Variants in PLCB4 observed in about 807,000 individuals in gnomAD.
The protein encoded by PLCB4 is phospholipase C beta 4.
Under a neutral mutation model 178.8 loss-of-function variants are expected in PLCB4, and 77 were observed. That is an observed-to-expected ratio of 0.43 (90% CI 0.36 to 0.52). The LOEUF is 0.52. PLCB4 is among the 20% of genes least tolerant of loss of function. PLCB4 has a pLI of 0.00. For missense variants in PLCB4, 1,024 were observed against 1,453.4 expected (o/e 0.70, Z 4.80); for synonymous variants, 496 against 490.8 (o/e 1.01, Z -0.14).
At chr20:9,145,943 G>A (rs1422610729) in intron 2 of PLCB4, among the ~76,000 whole-genome samples, 1 of 152,102 alleles carries the variant, frequency 6.6e-6, no homozygotes, top group African/African-American at 2.4e-5. Flanking sequence ...CTGCATGTTT[G>A]GGCTAGAGTG....
intron 3 of PLCB4, among the ~76,000 whole-genome samples, chr20:9,242,802 A>G (rs796223902): frequency 3.9e-5 from 6 of 152,186 alleles, no homozygotes; most frequent in African/African-American, 1.4e-4. Context: ...TCTCAGGCTC[A>G]CCCCAGACCC....
chr20:9,270,670 T>C (rs372277193), intron 3 of PLCB4, among the ~76,000 whole-genome samples: 1 of 152,114 alleles, frequency 6.6e-6, no homozygotes, highest in African/African-American at 2.4e-5. Context: ...GTGTTCTTTA[T>C]TGATGATTAA....
At chr20:9,357,468 G>C (rs2034939182) in intron 7 of PLCB4, among the ~76,000 whole-genome samples, 1 of 152,170 alleles carries the variant, frequency 6.6e-6, no homozygotes. Context: ...TATCCTGTGT[G>C]TAGTCACTCT....
chr20:9,274,786 A>G (rs1172648871), intron 3 of PLCB4, among the ~76,000 whole-genome samples: 1 of 152,072 alleles, frequency 6.6e-6, no homozygotes, highest in Non-Finnish European at 1.5e-5. Flanking sequence ...ATCCCTTATT[A>G]TATGACAGTC....
At chr20:9,308,754 C>A (rs2147876992) in intron 4 of PLCB4, among the ~76,000 whole-genome samples, 1 of 152,280 alleles carries the variant, frequency 6.6e-6, no homozygotes, top group African/African-American at 2.4e-5. Flanking sequence ...GATATTTCTG[C>A]AGGGTGCATC....
At chr20:9,166,834 A>C (rs1252440077) in intron 2 of PLCB4, 1 of 152,176 alleles carries the variant, frequency 6.6e-6, no homozygotes, top group African/African-American at 2.4e-5. Context: ...GAAGGTAAGC[A>C]GATATAGCTG....
chr20:9,344,185 T>C (rs1299332570), intron 7 of PLCB4, among the ~76,000 whole-genome samples: 1 of 152,186 alleles, frequency 6.6e-6, no homozygotes, highest in African/African-American at 2.4e-5. Context: ...CGCATTTTCT[T>C]CCAGCCTCTG....
chr20:9,275,871 G>A (rs1280349464), intron 3 of PLCB4, among the ~76,000 whole-genome samples: 1 of 152,058 alleles, frequency 6.6e-6, no homozygotes, highest in African/African-American at 2.4e-5. Flanking sequence ...ACAAAAGTAA[G>A]GATAGGAAAC....
chr20:9,183,902 A>G (rs2093288062), intron 2 of PLCB4, among the ~76,000 whole-genome samples: 1 of 152,186 alleles, frequency 6.6e-6, no homozygotes, highest in Admixed American at 6.5e-5. Context: ...GGTCTTTATA[A>G]CCAGAGACAA....
intron 2 of PLCB4, among the ~76,000 whole-genome samples, chr20:9,141,809 G>A (rs948439114): frequency 6.6e-6 from 1 of 152,048 alleles, no homozygotes. Context: ...TTATAGAAAG[G>A]CTAGACATTG....
chr20:9,400,628 T>A (rs1356612743), intron 19 of PLCB4, among the ~76,000 whole-genome samples: 1 of 152,222 alleles, frequency 6.6e-6, no homozygotes, highest in African/African-American at 2.4e-5. Flanking sequence ...CATCCTGATG[T>A]CTGTGGGTTT....
chr20:9,117,117 C>G (rs991884289), intron 2 of PLCB4, among the ~76,000 whole-genome samples: 1 of 152,148 alleles, frequency 6.6e-6, no homozygotes, highest in African/African-American at 2.4e-5. Context: ...ATTCTATTAT[C>G]TGTAGTTACT....
intron 7 of PLCB4, among the ~76,000 whole-genome samples, chr20:9,353,931 G>T (rs73066497): frequency 0.05 from 7,574 of 152,246 alleles, 260 homozygotes; most frequent in Non-Finnish European, 0.075. Context: ...ACCTGTGTCT[G>T]GTTTCTGTAC....
chr20:9,313,942 AGGGCTG>A (rs2094867920), intron 4 of PLCB4, among the ~76,000 whole-genome samples: 1 of 152,184 alleles, frequency 6.6e-6, no homozygotes, highest in African/African-American at 2.4e-5. Flanking sequence ...AAGGGGCAGC[AGGGCTG>A]GGGGACTGGC....
intron 1 of PLCB4, among the ~76,000 whole-genome samples, chr20:9,079,416 C>T (rs1393308718): frequency 6.6e-6 from 1 of 152,158 alleles, no homozygotes; most frequent in Non-Finnish European, 1.5e-5. Context: ...AGCTGTATCC[C>T]TTTCTAGAGG....
At chr20:9,327,131 A>G (rs2030733746) in intron 4 of PLCB4, among the ~76,000 whole-genome samples, 1 of 151,862 alleles carries the variant, frequency 6.6e-6, no homozygotes, top group South Asian at 2.1e-4. Context: ...TATTATTACT[A>G]TGTTTTATAT....
At chr20:9,089,310 A>T (rs1600317542) in intron 1 of PLCB4, among the ~76,000 whole-genome samples, 2 of 152,092 alleles carry the variant, frequency 1.3e-5, no homozygotes, top group African/African-American at 2.4e-5. Context: ...ATTATATCTC[A>T]GTAGTGTCTA....
chr20:9,147,510 G>A (rs2092619322), intron 2 of PLCB4, among the ~76,000 whole-genome samples: 1 of 152,076 alleles, frequency 6.6e-6, no homozygotes, highest in African/African-American at 2.4e-5. Flanking sequence ...TCATTCATGT[G>A]TCTGTGCTCA....
chr20:9,159,192 AG>A (rs2092841777), intron 2 of PLCB4, among the ~76,000 whole-genome samples: 1 of 152,144 alleles, frequency 6.6e-6, no homozygotes, highest in African/African-American at 2.4e-5. Context: ...TTATCTAAGA[AG>A]GTGTGGTTAC....
Sources: gnomAD v4.1 joint callset for allele counts (sites outside exome capture counted in the v4.1 genomes callset) on GRCh38, gnomAD v4.1.1 for gene constraint, MANE v1.5 for transcripts, NCBI Gene and HGNC (gene_info 2026-07-23, HGNC 2026-07-21) for gene names.